The following TRPC4 variants were observed in gnomAD, a reference collection of about 807,000 sequenced individuals.
The protein encoded by TRPC4 is short transient receptor potential channel 4.
In TRPC4, 49 loss-of-function variants were observed where a neutral mutation model predicts 99.4. The ratio of observed to expected loss-of-function variants is 0.49; its 90% CI spans 0.39 to 0.63. The LOEUF (loss-of-function observed/expected upper bound fraction) is 0.63, where lower values mean the gene tolerates loss of function less well. Among genes scored for constraint, TRPC4 ranks in the 20% least tolerant of loss-of-function variants. The probability of loss-of-function intolerance (pLI) is 0.00; values close to 1 mark genes in which losing one functional copy is unlikely to be tolerated. For synonymous variants in TRPC4, 454 were observed against 425.9 expected (o/e 1.07, Z -0.81); for missense variants, 898 against 1,152.9 (o/e 0.78, Z 3.20).
chr13:37,688,677 G>T (rs1054673058), intron 4 of TRPC4, among the ~76,000 whole-genome samples: 3 of 152,126 alleles, frequency 2.0e-5, no homozygotes, highest in Admixed American at 6.5e-5. Context: ...CGGAAGAAAA[G>T]TGAATTTAGT....
rs1180561552 is a variant in TRPC4 at position 37,651,288 on chromosome 13, G to T, written c.2056C>A (p.Pro686Thr). The T allele has an allele frequency of 1.2e-6, 2 of 1,614,012 alleles. No homozygotes were observed. The highest frequency in any genetic ancestry group is 2.2e-5 in the South Asian group (2 of 91,074). ...HLCKKKMRRK[P>T]ESFGTIGRRA... ...ACCCCTATTGTTCCAAAACTTTCTG[G>T]CTTTCTTCTCATCTTTTTCTTGCAC... The change falls in exon 8 of 11, where the codon CCA becomes ACA. Residue 686 changes from proline to threonine, a missense_variant. Physicochemically the swap from Pro to Thr is conservative, Grantham distance 38. Transcript: ENST00000379705.
At chr13:37,712,825 G>A (rs976065462) in intron 3 of TRPC4, among the ~76,000 whole-genome samples, 2 of 152,152 alleles carry the variant, frequency 1.3e-5, no homozygotes, top group Admixed American at 6.5e-5. Context: ...TATCTCATGT[G>A]CCTGAGATCT....
Position 37,746,344 on chromosome 13 carries a change from T to C in TRPC4, c.490A>G (p.Lys164Glu), listed in dbSNP as rs759684340. ...NYEIIKLLVQ[K>E]GVSVPRPHEV... ...TGGGGTCGAGGCACTGAGACTCCTT[T>C]CTGAACCAAGAGTTTTATTATCTCA... Residue 164 changes from lysine to glutamate, a missense_variant, in exon 3 of 11, where the codon AAA becomes GAA. Physicochemically the swap from Lys to Glu is moderately conservative, Grantham distance 56. Coordinates refer to ENST00000379705, the MANE Select transcript of TRPC4 (RefSeq NM_016179.4). 6.2e-7 allele frequency: 1 copy of C among 1,613,850 alleles called. No individual in the cohort carries two copies. Among genetic ancestry groups the C allele is most frequent in the Non-Finnish European group, 8.5e-7 (1 of 1,179,860 alleles).
intron 8 of TRPC4, among the ~76,000 whole-genome samples, chr13:37,642,450 C>A (rs1951744037): frequency 6.6e-6 from 1 of 152,132 alleles, no homozygotes; most frequent in African/African-American, 2.4e-5. Flanking sequence ...GGTCGAGTTA[C>A]AGAGCAGAGT....
intron 1 of TRPC4, among the ~76,000 whole-genome samples, chr13:37,839,593 T>C (rs2139631233): frequency 6.6e-6 from 1 of 152,298 alleles, no homozygotes; most frequent in East Asian, 1.9e-4. Flanking sequence ...TACCAAGCAT[T>C]GTGATTTATT....
chr13:37,832,273 C>T (rs377638767), intron 1 of TRPC4, among the ~76,000 whole-genome samples: 1 of 152,038 alleles, frequency 6.6e-6, no homozygotes, highest in Non-Finnish European at 1.5e-5. Context: ...TTTGGCCACG[C>T]GCTGTAGCCT....
At chr13:37,763,105 T>C (rs1706193410) in intron 2 of TRPC4, among the ~76,000 whole-genome samples, 1 of 151,594 alleles carries the variant, frequency 6.6e-6, no homozygotes, top group Admixed American at 6.6e-5. Flanking sequence ...AAAAAACCTA[T>C]ATAATATATA....
chr13:37,757,090 T>TAAAA (rs1956115902), intron 2 of TRPC4, among the ~76,000 whole-genome samples: 1 of 13,906 alleles, frequency 7.2e-5, no homozygotes, highest in South Asian at 0.12. Context: ...TAAAATACAT[T>TAAAA]AAAAAATATG....
At chr13:37,676,553 A>C (rs1006460211) in intron 4 of TRPC4, among the ~76,000 whole-genome samples, 1 of 152,034 alleles carries the variant, frequency 6.6e-6, no homozygotes, top group Non-Finnish European at 1.5e-5. Context: ...TTTGTATTTT[A>C]GTAGAGACGG....
chr13:37,838,025 T>C (rs1488748827), intron 1 of TRPC4, among the ~76,000 whole-genome samples: 1 of 152,198 alleles, frequency 6.6e-6, no homozygotes, highest in East Asian at 1.9e-4. Flanking sequence ...GCCATCCATG[T>C]AAGACGTGAC....
intron 8 of TRPC4, among the ~76,000 whole-genome samples, chr13:37,649,604 G>A (rs1022292012): frequency 6.6e-6 from 1 of 151,574 alleles, no homozygotes; most frequent in African/African-American, 2.4e-5. Flanking sequence ...AGTGGTGGCA[G>A]GCGCCTGTAG....
intron 3 of TRPC4, among the ~76,000 whole-genome samples, chr13:37,708,800 A>C (rs1197494365): frequency 6.6e-6 from 1 of 151,402 alleles, no homozygotes; most frequent in Non-Finnish European, 1.5e-5. Context: ...GTTGAAAGTA[A>C]AAAGTAAAAG....
At chr13:37,670,725 G>C (rs956208896) in intron 5 of TRPC4, among the ~76,000 whole-genome samples, 5 of 152,098 alleles carry the variant, frequency 3.3e-5, no homozygotes, top group Non-Finnish European at 7.4e-5. Context: ...ATAATTTATA[G>C]GGTAAAATAA....
At chr13:37,793,718 A>G (rs1957178250) in intron 1 of TRPC4, among the ~76,000 whole-genome samples, 1 of 152,108 alleles carries the variant, frequency 6.6e-6, no homozygotes, top group Non-Finnish European at 1.5e-5. Flanking sequence ...CAGATTACAG[A>G]CAAAAGAAAA....
chr13:37,670,751 A>T, intron 5 of TRPC4, among the ~76,000 whole-genome samples: 1 of 152,220 alleles, frequency 6.6e-6, no homozygotes, highest in East Asian at 1.9e-4. Flanking sequence ...CGATAGCAAG[A>T]TGTGGAAAGT....
At position 37,663,568 on chromosome 13, in the gene TRPC4, C is replaced by T; in HGVS notation, c.1536G>A (p.Met512Ile). Reference protein sequence around the residue: ...LGPLQISLGRMLLDILKFLFI... With the variant: ...LGPLQISLGRILLDILKFLFI... ...ATAGAAACTTCAAAATGTCCAGGAG[C>T]ATTCTTCCCAGAGATATTTGCAGAG... Residue 512 changes from methionine to isoleucine, a missense_variant, in exon 6 of 11, where the codon ATG becomes ATA. Transcript: ENST00000379705. 1.2e-6 allele frequency: 2 copies of T among 1,614,178 alleles called. No individual in the cohort carries two copies. Among genetic ancestry groups the T allele is most frequent in the Non-Finnish European group, 1.7e-6 (2 of 1,180,012 alleles).
intron 3 of TRPC4, among the ~76,000 whole-genome samples, chr13:37,705,284 C>T (rs1954234157): frequency 6.6e-6 from 1 of 152,016 alleles, no homozygotes; most frequent in Admixed American, 6.6e-5. Context: ...ATGATGATTA[C>T]CAGGGGCCGG....
chr13:37,716,270 C>G (rs903613180), intron 3 of TRPC4, among the ~76,000 whole-genome samples: 11 of 151,990 alleles, frequency 7.2e-5, no homozygotes, highest in African/African-American at 2.4e-4. Flanking sequence ...ATTCTAAGTA[C>G]TAAAATATAC....
chr13:37,641,846 A>G (rs1365627817), intron 8 of TRPC4, among the ~76,000 whole-genome samples: 1 of 152,116 alleles, frequency 6.6e-6, no homozygotes, highest in Non-Finnish European at 1.5e-5. Flanking sequence ...ATGAGCTAAG[A>G]GATTTATGGC....
Sources: gnomAD v4.1 joint callset for allele counts (sites outside exome capture counted in the v4.1 genomes callset) on GRCh38, gnomAD v4.1.1 for gene constraint, MANE v1.5 for transcripts, NCBI Gene and HGNC (gene_info 2026-07-23, HGNC 2026-07-21) for gene names.